SPATA22: variants seen among roughly 807,000 people sequenced by gnomAD.
SPATA22 encodes the protein spermatogenesis-associated protein 22.
In SPATA22, 29 loss-of-function variants were observed where a neutral mutation model predicts 47.8. That is an observed-to-expected ratio of 0.61 (90% CI 0.45 to 0.83). The LOEUF is 0.83. Ranked by LOEUF, SPATA22 falls within the 40% of genes least tolerant of loss-of-function variation. The pLI is 0.00. For synonymous variants in SPATA22, 133 were observed against 140.9 expected, an observed-to-expected ratio of 0.94 and a Z score of 0.40; for missense variants, 410 against 421.7, an observed-to-expected ratio of 0.97 and a Z score of 0.24.
intron 7 of SPATA22, among the ~76,000 whole-genome samples, chr17:3,444,820 C>T (rs1463719085): frequency 6.6e-6 from 1 of 152,008 alleles, no homozygotes; most frequent in Non-Finnish European, 1.5e-5. Flanking sequence ...GTGCTAGACA[C>T]TAAAGTGTAG....
chr17:3,459,941 G>C (rs2073088957), intron 5 of SPATA22, among the ~76,000 whole-genome samples: 1 of 152,088 alleles, frequency 6.6e-6, no homozygotes, highest in African/African-American at 2.4e-5. Flanking sequence ...ACTGACTTAA[G>C]TTATATACTA....
chr17:3,454,486 T>C (rs2072938948), intron 5 of SPATA22, among the ~76,000 whole-genome samples: 1 of 151,848 alleles, frequency 6.6e-6, no homozygotes. Context: ...AGTGTGATGT[T>C]CCCCTTCCTG....
rs1394453086 is a variant in SPATA22, at chr17:3,465,333, G to C, written c.172+2093C>G. Among the ~76,000 whole-genome samples the C allele has an allele frequency of 3.3e-5, 5 of 152,200 alleles. No homozygotes were observed. In the East Asian group the frequency reaches 7.8e-4, roughly 24 times the overall value. On this transcript the variant is annotated intron_variant, in intron 3 of 8. Transcript: ENST00000572969. ...ATGACAATGGCGGTTTTGTGGAATAGAAAGCGGGGAAAGGTGGGGAAAAGA... is the reference window on the plus strand; with the variant it reads ...ATGACAATGGCGGTTTTGTGGAATACAAAGCGGGGAAAGGTGGGGAAAAGA...
chr17:3,466,001 T>C (rs2073304081), intron 3 of SPATA22, among the ~76,000 whole-genome samples: 1 of 151,770 alleles, frequency 6.6e-6, no homozygotes, highest in South Asian at 2.1e-4. Context: ...AATGGTGGAG[T>C]ATGACCAGAT....
chr17:3,509,214 G>A (rs1304105498), intron 1 of SPATA22, among the ~76,000 whole-genome samples: 1 of 151,658 alleles, frequency 6.6e-6, no homozygotes, highest in East Asian at 1.9e-4. Flanking sequence ...AAAAAAAAAA[G>A]GGGGGGATAC....
intron 1 of SPATA22, among the ~76,000 whole-genome samples, chr17:3,497,182 T>A (rs1400908358): frequency 6.6e-6 from 1 of 152,140 alleles, no homozygotes; most frequent in Non-Finnish European, 1.5e-5. Flanking sequence ...GTGGCTCAGG[T>A]CTGGATAGCA....
chr17:3,462,748 C>A lies in SPATA22; in HGVS notation c.192G>T (p.Val64=), dbSNP rs759282438. The change falls in exon 4 of 9, where the codon GTG becomes GTT. Residue 64 remains valine (V), a synonymous_variant. Transcript: ENST00000572969. ...PLPTDWAWEA[V]NPELAPVMKT... The stretch of plus-strand genomic sequence containing the variant: ...TCATTACAGGAGCCAACTCTGGATT[C>A]ACAGCTTCCCAGGCCCAATCTCAAA... 8 of 1,612,956 alleles carry A rather than the reference C, an allele frequency of 5.0e-6. No homozygotes were observed. The highest frequency in any genetic ancestry group is 6.8e-6 in the Non-Finnish European group (8 of 1,179,050).
intron 1 of SPATA22, 99 bp downstream of exon 1, chr17:3,471,583 C>T: frequency 4.1e-6 from 4 of 985,058 alleles, no homozygotes; most frequent in South Asian, 4.7e-5. Flanking sequence ...GGCTCCTGAC[C>T]GCGGTGGGAG....
rs184308884 is a variant in SPATA22, at chr17:3,469,392, A to C, written c.-67T>G. ...CAAATTTATAATATGACATTGTCCCACTAGACCTGCAAAGAAAGAAACTTA... is the reference window on the plus strand; with the variant it reads ...CAAATTTATAATATGACATTGTCCCCCTAGACCTGCAAAGAAAGAAACTTA... On this transcript the variant is annotated 5_prime_UTR_variant, in exon 2 of 9. Coordinates refer to ENST00000572969, the MANE Select transcript of SPATA22 (RefSeq NM_001170698.2). 4.5e-4 allele frequency: 563 copies of C among 1,242,496 alleles called. 2 individuals are homozygous for C. The African/African-American group carries it at 7.3e-3, about 16-fold the overall frequency. 77.0% of individuals were successfully genotyped at this position (1,242,496 alleles called of 1,614,324 possible). A position where few individuals can be genotyped will look rare whatever the true frequency, so the allele number is the denominator to read the frequency against.
chr17:3,496,813 TC>T (rs1360741832), intron 1 of SPATA22, among the ~76,000 whole-genome samples: 2 of 152,190 alleles, frequency 1.3e-5, no homozygotes, highest in African/African-American at 4.8e-5. Context: ...ACGCCTGTAA[TC>T]CCAGCGCTTT....
At chr17:3,494,260 T>A in intron 1 of SPATA22, 1 of 991,480 alleles carries the variant, frequency 1.0e-6, no homozygotes. Context: ...CAACTCGGCC[T>A]CCCAAAGTGC....
intron 3 of SPATA22, 109 bp downstream of exon 3, chr17:3,467,317 T>C (rs1244597414): frequency 4.3e-6 from 4 of 929,460 alleles, no homozygotes; most frequent in African/African-American, 1.7e-5. Flanking sequence ...ATGTGGATAA[T>C]GGAAAGAAGA....
upstream of SPATA22, among the ~76,000 whole-genome samples, chr17:3,473,551 T>G (rs965861051): frequency 3.3e-5 from 5 of 152,154 alleles, no homozygotes; most frequent in African/African-American, 1.2e-4. Context: ...CAGGTTGGAG[T>G]GCAATGGCAC....
exon 1 of SPATA22, chr17:3,513,685 G>T: frequency 2.2e-6 from 1 of 464,486 alleles, no homozygotes; most frequent in Non-Finnish European, 3.8e-6. Flanking sequence ...GCTGGCTGTA[G>T]GTTTACACCA....
intron 1 of SPATA22, chr17:3,481,928 G>C (rs1173639002): frequency 1.1e-6 from 1 of 881,332 alleles, no homozygotes; most frequent in Non-Finnish European, 1.7e-6. Flanking sequence ...CCATAGCCAG[G>C]CTTGGTGGTT....
At chr17:3,452,516 C>T (rs912356219) in intron 5 of SPATA22, among the ~76,000 whole-genome samples, 12 of 151,700 alleles carry the variant, frequency 7.9e-5, no homozygotes, top group African/African-American at 2.7e-4. Context: ...TGCTTGAACC[C>T]GAGAGTGGAG....
At chr17:3,446,961 C>T (rs550820504) in intron 6 of SPATA22, among the ~76,000 whole-genome samples, 14 of 152,238 alleles carry the variant, frequency 9.2e-5, no homozygotes, top group African/African-American at 3.1e-4. Flanking sequence ...AGGAGCCAGA[C>T]ACATTCATTC....
intron 1 of SPATA22, among the ~76,000 whole-genome samples, chr17:3,480,590 T>C (rs575779126): frequency 1.3e-4 from 20 of 152,358 alleles, no homozygotes; most frequent in Admixed American, 1.2e-3. Flanking sequence ...AATAGTGATG[T>C]TATCCCCAGG....
At chr17:3,505,847 TC>T (rs2074036532) in intron 1 of SPATA22, among the ~76,000 whole-genome samples, 1 of 150,264 alleles carries the variant, frequency 6.7e-6, no homozygotes, top group Admixed American at 6.7e-5. Context: ...AGCCTCTGCC[TC>T]CCGGGTTCCA....
Sources: allele counts gnomAD v4.1 joint callset (sites outside exome capture counted in the v4.1 genomes callset), GRCh38; gene constraint gnomAD v4.1.1; transcripts MANE v1.5; gene names NCBI Gene and HGNC (gene_info 2026-07-23, HGNC 2026-07-21).